TRIM2: variants seen among roughly 807,000 people sequenced by gnomAD.
The protein encoded by TRIM2 is tripartite motif containing 2.
TRIM2 carries 20 observed loss-of-function variants against 75.2 expected under a neutral mutation model. That is an observed-to-expected ratio of 0.27 (90% CI 0.19 to 0.39). TRIM2 has a LOEUF of 0.39. Among genes scored for constraint, TRIM2 ranks in the 10% least tolerant of loss-of-function variants. TRIM2 has a pLI of 1.00. For synonymous variants in TRIM2, 373 were observed against 388.3 expected, an observed-to-expected ratio of 0.96 and a Z score of 0.46; for missense variants, 660 against 990.8, an observed-to-expected ratio of 0.67 and a Z score of 4.48.
At chr4:153,154,544 C>T (rs1038289008) in intron 1 of TRIM2, among the ~76,000 whole-genome samples, 4 of 152,152 alleles carry the variant, frequency 2.6e-5, no homozygotes, top group Non-Finnish European at 4.4e-5. Flanking sequence ...TTCTGCGTGT[C>T]TTCCATCTCC....
At chr4:153,154,115 TAAAG>T (rs1279561536) in intron 1 of TRIM2, among the ~76,000 whole-genome samples, 1 of 152,238 alleles carries the variant, frequency 6.6e-6, no homozygotes, top group Non-Finnish European at 1.5e-5. Flanking sequence ...ACACATTTCT[TAAAG>T]AAACTCGGCC....
chr4:153,184,286 G>A (rs2149643503), intron 1 of TRIM2, among the ~76,000 whole-genome samples: 1 of 152,226 alleles, frequency 6.6e-6, no homozygotes, highest in Admixed American at 6.5e-5. Flanking sequence ...TCATTTCCTG[G>A]CTTGCAGACA....
At chr4:153,332,886 A>G (rs989868708) in intron 11 of TRIM2, among the ~76,000 whole-genome samples, 1 of 151,972 alleles carries the variant, frequency 6.6e-6, no homozygotes, top group Admixed American at 6.5e-5. Context: ...GCAAAACTAC[A>G]CAGTCAGCCT....
chr4:153,232,602 C>T (rs1743941175), intron 1 of TRIM2, among the ~76,000 whole-genome samples: 1 of 151,442 alleles, frequency 6.6e-6, no homozygotes, highest in Non-Finnish European at 1.5e-5. Context: ...CTGACCCCAG[C>T]ATGCAGAATA....
chr4:153,231,181 A>G (rs1322925247), intron 1 of TRIM2, among the ~76,000 whole-genome samples: 1 of 152,194 alleles, frequency 6.6e-6, no homozygotes, highest in Non-Finnish European at 1.5e-5. Context: ...CAAATCTAGG[A>G]AAGTGTCTGG....
intron 6 of TRIM2, among the ~76,000 whole-genome samples, chr4:153,313,593 T>C (rs1445303984): frequency 2.0e-5 from 3 of 151,480 alleles, no homozygotes; most frequent in Non-Finnish European, 4.4e-5. Flanking sequence ...CCTAAGGCAC[T>C]GCATTGATGT....
intron 1 of TRIM2, among the ~76,000 whole-genome samples, chr4:153,159,328 G>GTATCT (rs1423231641): frequency 1.0e-5 from 1 of 99,764 alleles, no homozygotes; most frequent in African/African-American, 3.8e-5. Flanking sequence ...TGTAGAGACA[G>GTATCT]TATCTTACTC....
rs117052553 is a variant in TRIM2, at chr4:153,308,818, T to A, written c.1511-6667T>A. The A allele has an allele frequency of 3.2e-4, 135 of 422,062 alleles. No individual in the cohort carries two copies. The East Asian group carries it at 8.2e-3, about 26-fold the overall frequency. The allele number at this position is 422,062 out of a possible 1,614,324, so 26.1% of individuals were successfully genotyped here. A position where few individuals can be genotyped will look rare whatever the true frequency, so the allele number is the denominator to read the frequency against. ...CTGAGAGCGTCCCCAGATGCTGAGC[T>A]GAAAATATATTATTTTATGCCCCTC... On this transcript the variant is annotated intron_variant, in intron 6 of 11. Coordinates refer to ENST00000338700, the MANE Select transcript of TRIM2 (RefSeq NM_015271.5).
At chr4:153,165,303 AT>A (rs1296420548) in intron 1 of TRIM2, among the ~76,000 whole-genome samples, 5 of 152,064 alleles carry the variant, frequency 3.3e-5, no homozygotes, top group Admixed American at 3.3e-4. Context: ...ATTGAAGGTA[AT>A]TTTTGAGCCC....
In TRIM2 at chr4:153,338,860, G is replaced by A. The variant is rs1772762586; in HGVS notation, c.*3894G>A. ...TGCTTTTGCTTTATGACATGGGAAT[G>A]TTCTGTCATCAATGGAGTGTATTCT... On this transcript the variant is annotated 3_prime_UTR_variant, in exon 12 of 12. Transcript: ENST00000338700. The A allele has an allele frequency of 3.0e-6, 3 of 985,426 alleles. No individual in the cohort carries two copies. The South Asian group carries it at 1.4e-4, about 46-fold the overall frequency. 61.0% of individuals were successfully genotyped at this position (985,426 alleles called of 1,614,324 possible).
chr4:153,226,665 A>G (rs1742207798), intron 1 of TRIM2, among the ~76,000 whole-genome samples: 1 of 152,208 alleles, frequency 6.6e-6, no homozygotes, highest in Admixed American at 6.5e-5. Context: ...TGACCTACTT[A>G]TCTCCCATTA....
chr4:153,213,768 C>A (rs966606293), intron 1 of TRIM2, among the ~76,000 whole-genome samples: 1 of 152,166 alleles, frequency 6.6e-6, no homozygotes, highest in Non-Finnish European at 1.5e-5. Context: ...TCAGGTGATC[C>A]ACCCGCCTCG....
chr4:153,280,323 T>A (rs115536793), intron 3 of TRIM2, among the ~76,000 whole-genome samples: 1,863 of 151,792 alleles, frequency 0.012, 29 homozygotes, highest in African/African-American at 0.043. Flanking sequence ...AAGAAAATCA[T>A]TAGTAGCTTA....
chr4:153,338,850 A>G lies in TRIM2; in HGVS notation c.*3884A>G. ...TTAAACTCAATGCTTTTGCTTTATG[A>G]CATGGGAATGTTCTGTCATCAATGG... On this transcript the variant is annotated 3_prime_UTR_variant, in exon 12 of 12. Transcript: ENST00000338700. 1.0e-6 allele frequency: 1 copy of G among 985,824 alleles called. No individual in the cohort carries two copies. Among genetic ancestry groups the G allele is most frequent in the Non-Finnish European group, 1.2e-6 (1 of 829,916 alleles). The allele number at this position is 985,824 out of a possible 1,614,324, so 61.1% of individuals were successfully genotyped here.
chr4:153,297,506 A>G (rs1474102093), intron 6 of TRIM2, among the ~76,000 whole-genome samples: 1 of 152,232 alleles, frequency 6.6e-6, no homozygotes, highest in Non-Finnish European at 1.5e-5. Flanking sequence ...GGAGGAGCTA[A>G]ATGAATGAGA....
At chr4:153,303,576 G>A (rs1285912090) in intron 6 of TRIM2, among the ~76,000 whole-genome samples, 1 of 152,068 alleles carries the variant, frequency 6.6e-6, no homozygotes, top group Non-Finnish European at 1.5e-5. Flanking sequence ...ATCATTTTGT[G>A]CATGTGGTGA....
At chr4:153,308,902 G>T (rs557654175) in intron 6 of TRIM2, among the ~76,000 whole-genome samples, 1 of 152,136 alleles carries the variant, frequency 6.6e-6, no homozygotes, top group Admixed American at 6.6e-5. Flanking sequence ...TGAGGAGGGA[G>T]GTCGTGCTAA....
chr4:153,263,140 T>C (rs1261993936), intron 1 of TRIM2, among the ~76,000 whole-genome samples: 1 of 152,032 alleles, frequency 6.6e-6, no homozygotes, highest in African/African-American at 2.4e-5. Flanking sequence ...AAACCAGCTG[T>C]GCAACATAGT....
In TRIM2 at chr4:153,336,626, T is replaced by C; in HGVS notation, c.*1660T>C. 2 of 985,836 alleles carry C rather than the reference T, an allele frequency of 2.0e-6. No individual in the cohort carries two copies. Among genetic ancestry groups the C allele is most frequent in the Non-Finnish European group, 2.4e-6 (2 of 829,926 alleles). The allele number at this position is 985,836 out of a possible 1,614,324, so 61.1% of individuals were successfully genotyped here. On this transcript the variant is annotated 3_prime_UTR_variant, in exon 12 of 12. Coordinates refer to ENST00000338700, the MANE Select transcript of TRIM2 (RefSeq NM_015271.5). ...CTTCACTGAAAGCACCTTAGAACTGTACTATAAGAAAACATTTCCCCTATG... is the reference window on the plus strand; with the variant it reads ...CTTCACTGAAAGCACCTTAGAACTGCACTATAAGAAAACATTTCCCCTATG...
Sources: allele counts gnomAD v4.1 joint callset (sites outside exome capture counted in the v4.1 genomes callset), GRCh38; gene constraint gnomAD v4.1.1; transcripts MANE v1.5; gene names NCBI Gene and HGNC (gene_info 2026-07-23, HGNC 2026-07-21).